The following GTF2E2 variants were observed in gnomAD, a reference collection of about 807,000 sequenced individuals.
GTF2E2 encodes the protein transcription initiation factor IIE subunit beta.
In GTF2E2, 21 loss-of-function variants were observed where a neutral mutation model predicts 40.5. The ratio of observed to expected loss-of-function variants is 0.52; its 90% CI spans 0.37 to 0.75. GTF2E2 has a LOEUF of 0.75. Among genes scored for constraint, GTF2E2 ranks in the 30% least tolerant of loss-of-function variants. The pLI is 0.00. For synonymous variants in GTF2E2, 117 were observed against 121.6 expected (o/e 0.96, Z 0.25); for missense variants, 298 against 338.4 (o/e 0.88, Z 0.94).
chr8:30,657,844 G>C (rs1358097483), intron 1 of GTF2E2, 129 bp downstream of exon 1: 1 of 152,256 alleles, frequency 6.6e-6, no homozygotes, highest in Non-Finnish European at 1.5e-5. Flanking sequence ...TTCGCTTCGA[G>C]AACGGCGGTC....
chr8:30,599,728 T>TAATC (rs1829119407), intron 6 of GTF2E2, among the ~76,000 whole-genome samples: 2 of 152,186 alleles, frequency 1.3e-5, no homozygotes, highest in Non-Finnish European at 2.9e-5. Context: ...CTCACACCTG[T>TAATC]AATCCCAGTA....
intron 3 of GTF2E2, among the ~76,000 whole-genome samples, chr8:30,624,280 A>G (rs2151138497): frequency 6.6e-6 from 1 of 152,146 alleles, no homozygotes; most frequent in South Asian, 2.1e-4. Context: ...TCCTTTCCTC[A>G]TTGCTTGTTT....
At chr8:30,629,835 C>CA (rs1335491149) in intron 3 of GTF2E2, among the ~76,000 whole-genome samples, 5 of 151,748 alleles carry the variant, frequency 3.3e-5, no homozygotes, top group Non-Finnish European at 7.4e-5. Context: ...ACTGGAGAAA[C>CA]ACTAAGCTAG....
chr8:30,645,544 C>A (rs1159346584), intron 2 of GTF2E2: 1 of 1,535,514 alleles, frequency 6.5e-7, no homozygotes, highest in Non-Finnish European at 8.7e-7. Context: ...TGAACCCAAC[C>A]CTCTTAGAAG....
chr8:30,643,860 TAAA>T, intron 2 of GTF2E2: 1 of 152,028 alleles, frequency 6.6e-6, no homozygotes, highest in African/African-American at 2.4e-5. Flanking sequence ...TAGTTTTCGT[TAAA>T]TGAAACACTC....
intron 6 of GTF2E2, among the ~76,000 whole-genome samples, chr8:30,602,581 A>G (rs1829212464): frequency 6.6e-6 from 1 of 151,944 alleles, no homozygotes; most frequent in Non-Finnish European, 1.5e-5. Flanking sequence ...ACATGGAGAA[A>G]CCTGGTCTCT....
chr8:30,651,063 T>C (rs1157267137), intron 2 of GTF2E2, among the ~76,000 whole-genome samples: 2 of 151,164 alleles, frequency 1.3e-5, no homozygotes, highest in East Asian at 3.9e-4. Flanking sequence ...AAGGAACTTC[T>C]TCAACTGGAA....
intron 4 of GTF2E2, among the ~76,000 whole-genome samples, chr8:30,613,704 T>A (rs1437028541): frequency 6.6e-6 from 1 of 152,240 alleles, no homozygotes; most frequent in Non-Finnish European, 1.5e-5. Flanking sequence ...AGTCAAGACC[T>A]GTATTTTGCT....
intron 6 of GTF2E2, among the ~76,000 whole-genome samples, chr8:30,596,120 G>A (rs570778965): frequency 7.7e-4 from 117 of 152,056 alleles, no homozygotes; most frequent in Non-Finnish European, 1.5e-3. Context: ...GTGTTTTTCT[G>A]TCATTTGCCT....
intron 6 of GTF2E2, among the ~76,000 whole-genome samples, chr8:30,604,212 C>A (rs1829259357): frequency 6.6e-6 from 1 of 152,000 alleles, no homozygotes; most frequent in South Asian, 2.1e-4. Context: ...AGTGACCATA[C>A]TGAAACAATT....
At chr8:30,647,300 G>A (rs1294875720) in intron 2 of GTF2E2, among the ~76,000 whole-genome samples, 2 of 152,168 alleles carry the variant, frequency 1.3e-5, no homozygotes, top group Non-Finnish European at 2.9e-5. Context: ...AAGAATATCG[G>A]CTGGGCGCGG....
Position 30,596,103 on chromosome 8 carries a change from T to G in GTF2E2, c.643+10954A>C, listed in dbSNP as rs115797714. On this transcript the variant is annotated intron_variant, in intron 6 of 7. Transcript: ENST00000355904. The stretch of plus-strand genomic sequence containing the variant: ...CATATTCTGCAATTTGAATATGATA[T>G]GCCTCGGTGTTTTTCTGTCATTTGC... Among the ~76,000 whole-genome samples, 624 of 152,318 alleles carry G rather than the reference T, an allele frequency of 4.1e-3. 6 individuals are homozygous for G. Among genetic ancestry groups the G allele is most frequent in the African/African-American group, 0.014 (574 of 41,568 alleles).
intron 6 of GTF2E2, among the ~76,000 whole-genome samples, chr8:30,604,333 T>C (rs1161880300): frequency 2.0e-5 from 3 of 152,176 alleles, no homozygotes; most frequent in Non-Finnish European, 4.4e-5. Flanking sequence ...CATTTCACCA[T>C]ATATTAAATA....
chr8:30,630,106 C>T (rs1257010168), intron 3 of GTF2E2, among the ~76,000 whole-genome samples: 1 of 152,144 alleles, frequency 6.6e-6, no homozygotes, highest in African/African-American at 2.4e-5. Context: ...AAAAATCCTC[C>T]TAAAATAAAC....
chr8:30,595,214 G>A (rs35220810), intron 6 of GTF2E2, among the ~76,000 whole-genome samples: 51,013 of 151,946 alleles, frequency 0.34, 9,716 homozygotes, highest in South Asian at 0.55. Context: ...AAAGACATTA[G>A]AACAGTATAC....
intron 6 of GTF2E2, among the ~76,000 whole-genome samples, chr8:30,591,145 A>G (rs1828836769): frequency 6.6e-6 from 1 of 152,194 alleles, no homozygotes; most frequent in South Asian, 2.1e-4. Flanking sequence ...AGCACAAAAC[A>G]ATTTTTTAAA....
At chr8:30,606,061 AG>A (rs1715513486) in intron 6 of GTF2E2, among the ~76,000 whole-genome samples, 1 of 152,254 alleles carries the variant, frequency 6.6e-6, no homozygotes, top group Non-Finnish European at 1.5e-5. Context: ...GCAGTACTGA[AG>A]TCTTTGTTCA....
intron 2 of GTF2E2, among the ~76,000 whole-genome samples, chr8:30,636,027 C>G (rs1042650825): frequency 6.6e-6 from 1 of 152,118 alleles, no homozygotes; most frequent in Admixed American, 6.6e-5. Flanking sequence ...CACAGCACTA[C>G]CCACCCACTT....
intron 3 of GTF2E2, among the ~76,000 whole-genome samples, chr8:30,621,978 A>ATT (rs921765290): frequency 3.7e-5 from 4 of 107,746 alleles, no homozygotes; most frequent in South Asian, 2.4e-4. Context: ...ATATATATAT[A>ATT]TTTTTTTATT....
Sources: gnomAD v4.1 joint callset for allele counts (sites outside exome capture counted in the v4.1 genomes callset) on GRCh38, gnomAD v4.1.1 for gene constraint, MANE v1.5 for transcripts, NCBI Gene and HGNC (gene_info 2026-07-23, HGNC 2026-07-21) for gene names.